The following ABCA1 variants were observed in gnomAD, a reference collection of about 807,000 sequenced individuals.
The protein encoded by ABCA1 is phospholipid-transporting ATPase ABCA1.
ABCA1 carries 133 observed loss-of-function variants against 262.5 expected under a neutral mutation model. The ratio of observed to expected loss-of-function variants is 0.51; its 90% CI spans 0.44 to 0.59. The LOEUF (loss-of-function observed/expected upper bound fraction) is 0.59, where lower values mean the gene tolerates loss of function less well. ABCA1 is among the 20% of genes least tolerant of loss of function. ABCA1 has a pLI of 0.00. For synonymous variants in ABCA1, 1,022 were observed against 1,043.5 expected, an observed-to-expected ratio of 0.98 and a Z score of 0.40; for missense variants, 2,452 against 2,777.5, an observed-to-expected ratio of 0.88 and a Z score of 2.63.
intron 8 of ABCA1, among the ~76,000 whole-genome samples, chr9:104,840,989 A>G (rs1212671857): frequency 1.3e-5 from 2 of 152,160 alleles, no homozygotes; most frequent in African/African-American, 4.8e-5. Context: ...AACTGCTCTC[A>G]TCCTCGATAA....
chr9:104,835,336 C>T (rs2119017938), intron 11 of ABCA1, among the ~76,000 whole-genome samples: 1 of 152,016 alleles, frequency 6.6e-6, no homozygotes, highest in South Asian at 2.1e-4. Flanking sequence ...CTGATGACTC[C>T]CTCATCATCT....
At position 104,790,971 on chromosome 9, in the gene ABCA1, T is replaced by C. The variant is rs539915765; in HGVS notation, c.5878A>G (p.Thr1960Ala). The C allele has an allele frequency of 1.4e-5, 22 of 1,613,960 alleles. No homozygotes were observed. In the South Asian group the frequency reaches 2.0e-4, roughly 14 times the overall value. ...CCTCTGGTAACAGTGGTATCTCCTG[T>C]TAACATCTTGAAAGTTGATGATTTT... Reference protein sequence around the residue: ...AGKSSTFKMLTGDTTVTRGDA... With the variant: ...AGKSSTFKMLAGDTTVTRGDA... The change falls in exon 44 of 50, where the codon ACA becomes GCA. Residue 1960 changes from threonine (T) to alanine (A), a missense_variant. Thr to Ala is a moderately conservative substitution (Grantham distance 58). Coordinates refer to ENST00000374736, the MANE Select transcript of ABCA1 (RefSeq NM_005502.4).
intron 1 of ABCA1, among the ~76,000 whole-genome samples, chr9:104,912,331 T>C (rs534442720): frequency 6.6e-6 from 1 of 152,282 alleles, no homozygotes; most frequent in South Asian, 2.1e-4. Context: ...CCCAGGAGTT[T>C]GAGGCTGCAG....
chr9:104,910,361 G>A lies in ABCA1; in HGVS notation c.-92-6590C>T, dbSNP rs1279424858. Among the ~76,000 whole-genome samples, 6 of 152,198 alleles carry A rather than the reference G, an allele frequency of 3.9e-5. No individual in the cohort carries two copies. The South Asian group carries it at 1.0e-3, about 26-fold the overall frequency. On this transcript the variant is annotated intron_variant, in intron 1 of 49. Transcript: ENST00000374736. Reference sequence around the variant, plus strand: ...TCCCCCAAAGCAAGTGACTTGCCTAGCATTAGAGCTGGTTTCTCAAGAAAT... The same window carrying A: ...TCCCCCAAAGCAAGTGACTTGCCTAACATTAGAGCTGGTTTCTCAAGAAAT...
intron 1 of ABCA1, among the ~76,000 whole-genome samples, chr9:104,911,833 G>A (rs77852426): frequency 6.6e-6 from 1 of 152,054 alleles, no homozygotes; most frequent in Non-Finnish European, 1.5e-5. Flanking sequence ...AAAGGGGTAA[G>A]AAATCCTCCA....
chr9:104,814,128 G>C lies in ABCA1; in HGVS notation c.3891C>G (p.Asp1297Glu). Residue 1297 changes from aspartate (D) to glutamate (E), a missense_variant, in exon 27 of 50, where the codon GAC (aspartate) becomes GAG (glutamate). Physicochemically the swap from Asp to Glu is conservative, Grantham distance 45 (BLOSUM62 2). Transcript: ENST00000374736. ...EDDAADPNDS[D>E]IDPESRETDL... ...CTTGCCCTAACAGACCTGGGTCTAT[G>C]TCAGAATCATTTGGATCAGCAGCAT... The C allele has an allele frequency of 1.9e-6, 3 of 1,614,160 alleles. No individual in the cohort carries two copies. The highest frequency in any genetic ancestry group is 2.5e-6 in the Non-Finnish European group (3 of 1,180,034).
In ABCA1 at chr9:104,816,437, G is replaced by C. The variant is rs576835355; in HGVS notation, c.3536-92C>G. The stretch of plus-strand genomic sequence containing the variant: ...TCCCCCACCCTCTCATCAGAGGCCT[G>C]CCGCTCATACACCACACCTGTTCCA... On this transcript the variant is annotated intron_variant, in intron 24 of 49. Transcript: ENST00000374736. 8.3e-6 allele frequency: 10 copies of C among 1,205,760 alleles called. No homozygotes were observed. The African/African-American group carries it at 1.5e-4, about 18-fold the overall frequency. The allele number at this position is 1,205,760 out of a possible 1,614,324, so 74.7% of individuals were successfully genotyped here. A position where few individuals can be genotyped will look rare whatever the true frequency, so the allele number is the denominator to read the frequency against.
At position 104,781,521 on chromosome 9, in the gene ABCA1, A is replaced by T. The variant is rs1246295014; in HGVS notation, c.*2794T>A. 1 of 152,634 alleles carries T rather than the reference A, an allele frequency of 6.6e-6. No individual in the cohort carries two copies. Among genetic ancestry groups the T allele is most frequent in the African/African-American group, 2.4e-5 (1 of 41,484 alleles). 9.5% of individuals were successfully genotyped at this position (152,634 alleles called of 1,614,324 possible). A position where few individuals can be genotyped will look rare whatever the true frequency, so the allele number is the denominator to read the frequency against. On this transcript the variant is annotated 3_prime_UTR_variant, in exon 50 of 50. Transcript: ENST00000374736. ...TGATATATACAACCACAAGAAGAAA[A>T]CACAGACAAATGGCTTTAGTCAATG... is the stretch of plus-strand genomic sequence containing the variant.
At chr9:104,872,259 A>T (rs1023509489) in intron 5 of ABCA1, among the ~76,000 whole-genome samples, 1 of 152,250 alleles carries the variant, frequency 6.6e-6, no homozygotes, top group Non-Finnish European at 1.5e-5. Flanking sequence ...GTCATAGAAC[A>T]AACAAGTGGT....
chr9:104,823,857 A>T (rs1832589362), intron 18 of ABCA1, among the ~76,000 whole-genome samples: 1 of 152,160 alleles, frequency 6.6e-6, no homozygotes, highest in South Asian at 2.1e-4. Flanking sequence ...TACTTTTACC[A>T]AGGGCAATCA....
rs1341073356 is a variant in ABCA1, at chr9:104,825,740, G to C, written c.2485C>G (p.Leu829Val). The change falls in exon 17 of 50, where the codon CTG becomes GTG. Residue 829 changes from leucine to valine, a missense_variant. By Grantham distance (32) the Leu-to-Val change is conservative. Transcript: ENST00000374736. Reference sequence around the variant, plus strand: ...ACCCCATAGAGGAAGGTGTCAAACAGCATCATGGAGACCGAAGTGGTGAGA... The same window carrying C: ...ACCCCATAGAGGAAGGTGTCAAACACCATCATGGAGACCGAAGTGGTGAGA... ...FNLTTSVSMM[L>V]FDTFLYGVMT... 1.9e-6 allele frequency: 3 copies of C among 1,614,246 alleles called. No homozygotes were observed. In the East Asian group the frequency reaches 6.7e-5, roughly 36 times the overall value.
At chr9:104,824,623 G>A in intron 17 of ABCA1, 45 bp from the exon 18 acceptor site, 1 of 1,605,554 alleles carries the variant, frequency 6.2e-7, no homozygotes, top group Non-Finnish European at 8.5e-7. Flanking sequence ...CATCATCCCA[G>A]TATTCTGAGG....
At chr9:104,852,765 G>A (rs922327386) in intron 7 of ABCA1, among the ~76,000 whole-genome samples, 1 of 152,172 alleles carries the variant, frequency 6.6e-6, no homozygotes, top group Non-Finnish European at 1.5e-5. Flanking sequence ...AAACAGGTGG[G>A]CAGTCAAATC....
intron 1 of ABCA1, among the ~76,000 whole-genome samples, chr9:104,915,506 A>G (rs1841790867): frequency 6.6e-6 from 1 of 152,230 alleles, no homozygotes; most frequent in Admixed American, 6.5e-5. Flanking sequence ...TCTGAAAAAC[A>G]AAAACTTAAG....
chr9:104,796,527 T>A (rs540987580), intron 37 of ABCA1, 103 bp from the exon 38 acceptor site: 9 of 838,236 alleles, frequency 1.1e-5, no homozygotes, highest in Non-Finnish European at 1.8e-5. Flanking sequence ...GATAAACATA[T>A]TGGAGAGTAA....
At chr9:104,851,321 A>G (rs73521824) in intron 7 of ABCA1, among the ~76,000 whole-genome samples, 2,583 of 152,182 alleles carry the variant, frequency 0.017, 65 homozygotes, top group African/African-American at 0.058. Flanking sequence ...ATAAGGCCCT[A>G]TATCCTCACA....
intron 17 of ABCA1, 79 bp downstream of exon 17, chr9:104,825,604 G>A: frequency 7.0e-7 from 1 of 1,434,366 alleles, no homozygotes; most frequent in Non-Finnish European, 9.8e-7. Context: ...GGAAGCCCAT[G>A]CACTGCAGAG....
chr9:104,910,909 G>A (rs932648572), intron 1 of ABCA1, among the ~76,000 whole-genome samples: 2 of 152,042 alleles, frequency 1.3e-5, no homozygotes, highest in African/African-American at 4.8e-5. Context: ...GTTTCAACAT[G>A]TTGGCCAGGC....
At chr9:104,860,755 CTT>C (rs762423202) in intron 6 of ABCA1, among the ~76,000 whole-genome samples, 12 of 115,836 alleles carry the variant, frequency 1.0e-4, no homozygotes, top group Non-Finnish European at 5.1e-5. Flanking sequence ...TTATAAAATT[CTT>C]TTTTTTTTTT....
Sources: gnomAD v4.1 joint callset for allele counts (sites outside exome capture counted in the v4.1 genomes callset) on GRCh38, gnomAD v4.1.1 for gene constraint, MANE v1.5 for transcripts, NCBI Gene and HGNC (gene_info 2026-07-23, HGNC 2026-07-21) for gene names.